Variants in ACOT7 observed in about 807,000 individuals in gnomAD.
ACOT7 encodes cytosolic acyl coenzyme A thioester hydrolase.
Under a neutral mutation model 40.2 loss-of-function variants are expected in ACOT7, and 12 were observed. That is an observed-to-expected ratio of 0.30 (90% CI 0.19 to 0.48). The LOEUF is 0.48. Among genes scored for constraint, ACOT7 ranks in the 20% least tolerant of loss-of-function variants. The pLI is 0.99. For synonymous variants in ACOT7, 228 were observed against 219.5 expected (o/e 1.04, Z -0.34); for missense variants, 395 against 530.8 (o/e 0.74, Z 2.51).
chr1:6,335,304 G>A (rs1641068942), intron 3 of ACOT7, among the ~76,000 whole-genome samples: 1 of 144,790 alleles, frequency 6.9e-6, no homozygotes, highest in South Asian at 2.3e-4. Context: ...TCTAGGCTGG[G>A]CAACGAGAGC....
intron 7 of ACOT7, among the ~76,000 whole-genome samples, chr1:6,291,330 G>C (rs1639657869): frequency 6.6e-6 from 1 of 152,080 alleles, no homozygotes; most frequent in South Asian, 2.1e-4. Context: ...AAGAGGCCTT[G>C]TGACCACAGA....
At position 6,275,835 on chromosome 1, in the gene ACOT7, C is replaced by T. The variant is rs1639173272; in HGVS notation, c.1014+5267G>A. Among the ~76,000 whole-genome samples, 1 of 152,148 alleles carries T rather than the reference C, an allele frequency of 6.6e-6. No homozygotes were observed. The highest frequency in any genetic ancestry group is 1.5e-5 in the Non-Finnish European group (1 of 68,036). ...GAAGCTCGGAGTCCTGGGCTGGCCA[C>T]CTCGGGAGATGTGTGTTCATGAGCA... On this transcript the variant is annotated intron_variant, in intron 8 of 8. Transcript: ENST00000361521. The surrounding 1 kb of genome is among the most constrained non-coding windows in gnomAD (Gnocchi z 5.6).
Position 6,306,989 on chromosome 1 carries a change from C to T in ACOT7, c.712+11503G>A, listed in dbSNP as rs1180221987. On this transcript the variant is annotated intron_variant, in intron 6 of 8. Transcript: ENST00000361521. The surrounding 1 kb of genome is among the most constrained non-coding windows in gnomAD (Gnocchi z 4.3). Reference sequence around the variant, plus strand: ...GCGTCCCCTCCCATGTTTTCTCTGCCTTCCCTTTCCTCTGCCTCCTCCTAT... The same window carrying T: ...GCGTCCCCTCCCATGTTTTCTCTGCTTTCCCTTTCCTCTGCCTCCTCCTAT... 8.6e-7 allele frequency: 1 copy of T among 1,168,614 alleles called. No individual in the cohort carries two copies. The highest frequency in any genetic ancestry group is 1.6e-5 in the African/African-American group (1 of 63,348). 72.4% of individuals were successfully genotyped at this position (1,168,614 alleles called of 1,614,324 possible). A position where few individuals can be genotyped will look rare whatever the true frequency, so the allele number is the denominator to read the frequency against.
At chr1:6,392,172 A>G (rs993407691) in intron 1 of ACOT7, among the ~76,000 whole-genome samples, 26 of 152,296 alleles carry the variant, frequency 1.7e-4, no homozygotes, top group East Asian at 7.7e-4. Flanking sequence ...GGAGATGTCA[A>G]CATCTACAGG....
At position 6,393,663 on chromosome 1, in the gene ACOT7, C is replaced by T; in HGVS notation, c.-264G>A. The T allele has an allele frequency of 3.9e-6, 1 of 253,704 alleles. No individual in the cohort carries two copies. Among genetic ancestry groups the T allele is most frequent in the Non-Finnish European group, 7.4e-6 (1 of 135,100 alleles). 15.7% of individuals were successfully genotyped at this position (253,704 alleles called of 1,614,324 possible). A position where few individuals can be genotyped will look rare whatever the true frequency, so the allele number is the denominator to read the frequency against. ...GGGAAGGCCCGCTAGCCGCGGCAGCCGCGCCCGACCCGGTGGCAGCCCCGA... is the reference window on the plus strand; with the variant it reads ...GGGAAGGCCCGCTAGCCGCGGCAGCTGCGCCCGACCCGGTGGCAGCCCCGA... On this transcript the variant is annotated 5_prime_UTR_variant, in exon 1 of 9. Transcript: ENST00000361521.
intron 6 of ACOT7, among the ~76,000 whole-genome samples, chr1:6,314,223 G>A (rs1294105594): frequency 2.6e-5 from 4 of 152,014 alleles, no homozygotes; most frequent in Non-Finnish European, 2.9e-5. Context: ...AACAGTGATG[G>A]GGCTCATGCA....
chr1:6,265,599 G>A (rs935081861), intron 8 of ACOT7, among the ~76,000 whole-genome samples: 1 of 97,650 alleles, frequency 1.0e-5, no homozygotes, highest in Non-Finnish European at 2.1e-5. Context: ...GATTATGAAC[G>A]GCACCCCCTT....
rs967747961 is a variant in ACOT7, at chr1:6,368,658, C to T, written c.144-18792G>A. ...TGACTATTTCCTCTGCACACCCCTC[C>T]CCACAGTGAGAGCGGGTAAGAGCTC... is the stretch of plus-strand genomic sequence containing the variant. On this transcript the variant is annotated intron_variant, in intron 1 of 8. Transcript: ENST00000361521. Among the ~76,000 whole-genome samples the T allele has an allele frequency of 3.3e-5, 5 of 152,214 alleles. No individual in the cohort carries two copies. The South Asian group carries it at 1.0e-3, about 32-fold the overall frequency.
intron 1 of ACOT7, among the ~76,000 whole-genome samples, chr1:6,377,685 T>C (rs752380611): frequency 5.3e-5 from 8 of 152,164 alleles, no homozygotes; most frequent in Non-Finnish European, 1.2e-4. Context: ...AGCAATTCCA[T>C]TGTAAAAGCT....
At position 6,393,317 on chromosome 1, in the gene ACOT7, G is replaced by A. The variant is rs756771643; in HGVS notation, c.83C>T (p.Ala28Val). Reference protein sequence around the residue: ...ALLQPPAASAAAAPSMSGPDV... With the variant: ...ALLQPPAASAVAAPSMSGPDV... ...TGGGCCCGACATGCTGGGGGCTGCG[G>A]CGGCGGATGCGGCGGGCGGCTGCAG... The change falls in exon 1 of 9, where the codon GCC becomes GTC. Residue 28 changes from alanine (A) to valine (V), a missense_variant. Around this residue, in one of 2 missense-constraint regions of ACOT7, gnomAD observed 86 missense variants for 60.5 expected, o/e 1.42. Transcript: ENST00000361521. The A allele has an allele frequency of 9.4e-6, 12 of 1,273,308 alleles. No homozygotes were observed. The highest frequency in any genetic ancestry group is 1.2e-5 in the Non-Finnish European group (12 of 1,009,964). 78.9% of individuals were successfully genotyped at this position (1,273,308 alleles called of 1,614,324 possible).
intron 2 of ACOT7, among the ~76,000 whole-genome samples, chr1:6,342,639 T>C (rs970407666): frequency 6.6e-6 from 1 of 152,254 alleles, no homozygotes; most frequent in African/African-American, 2.4e-5. Context: ...AACTTTTTTT[T>C]AGAAAATTAC....
intron 2 of ACOT7, 113 bp from the exon 3 acceptor site, chr1:6,339,702 G>A (rs1195783260): frequency 1.6e-6 from 2 of 1,212,392 alleles, no homozygotes; most frequent in East Asian, 2.6e-5. Context: ...TCCCCACTGT[G>A]AAAGCAACCA....
chr1:6,270,201 C>T (rs1638987930), intron 8 of ACOT7, among the ~76,000 whole-genome samples: 1 of 152,262 alleles, frequency 6.6e-6, no homozygotes, highest in South Asian at 2.1e-4. Flanking sequence ...CAGCACAAGG[C>T]CCCACCCACG....
Position 6,309,135 on chromosome 1 carries a change from G to A in ACOT7, c.712+9357C>T, listed in dbSNP as rs192338917. Among the ~76,000 whole-genome samples, 353 of 152,330 alleles carry A rather than the reference G, an allele frequency of 2.3e-3. 2 individuals carry two copies. The highest frequency in any genetic ancestry group is 4.5e-3 in the Non-Finnish European group (306 of 68,040). ...CAAAACAGACGTGGTCTCCAGCCTC[G>A]GCAGCAGAGGCCGAGTCATCCCAGT... On this transcript the variant is annotated intron_variant, in intron 6 of 8. Coordinates refer to ENST00000361521, the MANE Select transcript of ACOT7 (RefSeq NM_007274.4).
At chr1:6,382,222 G>A (rs1642352027) in intron 1 of ACOT7, among the ~76,000 whole-genome samples, 1 of 151,310 alleles carries the variant, frequency 6.6e-6, no homozygotes, top group Non-Finnish European at 1.5e-5. Context: ...TAGCCAACAT[G>A]GGGAAACCCC....
At chr1:6,280,476 A>T (rs1639322883) in intron 8 of ACOT7, among the ~76,000 whole-genome samples, 1 of 152,200 alleles carries the variant, frequency 6.6e-6, no homozygotes, top group Admixed American at 6.5e-5. Flanking sequence ...GGGGATGTGG[A>T]CACCTGGGGG....
At chr1:6,285,998 AC>A (rs1639493624) in intron 7 of ACOT7, among the ~76,000 whole-genome samples, 1 of 152,114 alleles carries the variant, frequency 6.6e-6, no homozygotes, top group African/African-American at 2.4e-5. Context: ...ACTTCCACGC[AC>A]CTGTCTCAGA....
Position 6,311,154 on chromosome 1 carries a change from T to C in ACOT7, c.712+7338A>G, listed in dbSNP as rs576028477. 1.3e-5 allele frequency among the ~76,000 whole-genome samples: 2 copies of C among 152,344 alleles called. No individual in the cohort carries two copies. Among genetic ancestry groups the C allele is most frequent in the South Asian group, 2.1e-4 (1 of 4,826 alleles). On this transcript the variant is annotated intron_variant, in intron 6 of 8. Coordinates refer to ENST00000361521, the MANE Select transcript of ACOT7 (RefSeq NM_007274.4). This position sits in a 1 kb window ranked among gnomAD's most constrained non-coding sequence, Gnocchi z 5.2. The stretch of plus-strand genomic sequence containing the variant: ...CTCCATCCTGTGCTTCCCAGTACCA[T>C]GGGAGCTGAGCAAGCTCTCCCGATG...
At chr1:6,340,758 G>A (rs774933915) in intron 2 of ACOT7, among the ~76,000 whole-genome samples, 5 of 151,986 alleles carry the variant, frequency 3.3e-5, no homozygotes, top group Admixed American at 6.6e-5. Context: ...TCTTTAGGCC[G>A]GGCGCGGTGG....
Sources: gnomAD v4.1 joint callset for allele counts (sites outside exome capture counted in the v4.1 genomes callset) on GRCh38, gnomAD v4.1.1 for gene constraint, gnomAD v4.1.1 regional missense constraint, Gnocchi (gnomAD v3.1) non-coding constraint, MANE v1.5 for transcripts, NCBI Gene and HGNC (gene_info 2026-07-23, HGNC 2026-07-21) for gene names.